The following QTMAN variants were observed in gnomAD, a reference collection of about 807,000 sequenced individuals.
The protein encoded by QTMAN is tRNA-queuosine alpha-mannosyltransferase.
chr2:143,973,188 C>G, the QTMAN span, among the ~76,000 whole-genome samples: 2 of 151,830 alleles, frequency 1.3e-5, no homozygotes, highest in Admixed American at 1.3e-4. Flanking sequence ...AAGTCCTGCA[C>G]CCCAAGCTAC....
At chr2:144,129,289 G>A in the QTMAN span, among the ~76,000 whole-genome samples, 14 of 151,762 alleles carry the variant, frequency 9.2e-5, no homozygotes, top group African/African-American at 2.9e-4. Flanking sequence ...AAATTTAGAG[G>A]TACAGGCCAG....
the QTMAN span, among the ~76,000 whole-genome samples, chr2:144,042,762 TCA>T: frequency 9.4e-6 from 1 of 106,656 alleles, no homozygotes; most frequent in East Asian, 3.1e-4. Context: ...AGACTCTGTC[TCA>T]AAAAAAAAAA....
chr2:144,000,302 T>G, the QTMAN span, among the ~76,000 whole-genome samples: 1 of 152,076 alleles, frequency 6.6e-6, no homozygotes, highest in African/African-American at 2.4e-5. Flanking sequence ...TAAAATTCTT[T>G]AGAGAGCTTT....
At chr2:144,129,709 C>T in the QTMAN span, among the ~76,000 whole-genome samples, 5 of 152,002 alleles carry the variant, frequency 3.3e-5, no homozygotes, top group South Asian at 4.1e-4. Context: ...GTATGAATAT[C>T]ATTTGTGCAG....
the QTMAN span, among the ~76,000 whole-genome samples, chr2:144,251,149 AC>A: frequency 1.3e-5 from 2 of 152,160 alleles, no homozygotes; most frequent in Non-Finnish European, 2.9e-5. Flanking sequence ...TCCGCTGCAT[AC>A]AAATTTTGCT....
chr2:144,158,731 C>CA, the QTMAN span, among the ~76,000 whole-genome samples: 94 of 151,902 alleles, frequency 6.2e-4, 1 homozygote, highest in African/African-American at 1.7e-3. Flanking sequence ...ATTGTATGTG[C>CA]AAAAAAAGTC....
chr2:144,199,292 G>A, the QTMAN span, among the ~76,000 whole-genome samples: 10 of 152,080 alleles, frequency 6.6e-5, no homozygotes, highest in Admixed American at 2.6e-4. Context: ...CAGGTGATCC[G>A]CCCGCCTCGG....
chr2:144,144,877 T>C, the QTMAN span, among the ~76,000 whole-genome samples: 1 of 151,924 alleles, frequency 6.6e-6, no homozygotes, highest in African/African-American at 2.4e-5. Flanking sequence ...TCCGTTTGAC[T>C]GTTGCAGTTA....
At chr2:144,309,172 T>C in the QTMAN span, among the ~76,000 whole-genome samples, 1 of 152,226 alleles carries the variant, frequency 6.6e-6, no homozygotes, top group African/African-American at 2.4e-5. Flanking sequence ...CTAGTGAGTA[T>C]GATACAATCA....
chr2:144,209,344 C>T, the QTMAN span, among the ~76,000 whole-genome samples: 1 of 152,168 alleles, frequency 6.6e-6, no homozygotes, highest in African/African-American at 2.4e-5. Context: ...CTAGTGAATA[C>T]GTATTTAAAA....
At chr2:144,012,224 T>C in the QTMAN span, among the ~76,000 whole-genome samples, 3 of 152,094 alleles carry the variant, frequency 2.0e-5, no homozygotes, top group African/African-American at 7.2e-5. Context: ...AGTACTATGT[T>C]GGGCAATGTT....
the QTMAN span, among the ~76,000 whole-genome samples, chr2:143,958,803 T>TTA: frequency 2.1e-5 from 3 of 146,140 alleles, no homozygotes; most frequent in East Asian, 6.1e-4. Flanking sequence ...TTTTTTTTTT[T>TTA]ACGTTTCCAC....
the QTMAN span, chr2:144,208,557 G>C: frequency 1.3e-6 from 2 of 1,514,844 alleles, no homozygotes; most frequent in Non-Finnish European, 1.8e-6. Context: ...CCTCATAACA[G>C]GTACTTTTTA....
chr2:144,174,658 T>C, the QTMAN span, among the ~76,000 whole-genome samples: 2 of 152,150 alleles, frequency 1.3e-5, no homozygotes, highest in South Asian at 2.1e-4. Context: ...GGGGCAGGAT[T>C]TTCCCATGCT....
the QTMAN span, chr2:144,007,212 C>G: frequency 6.2e-7 from 1 of 1,606,326 alleles, no homozygotes; most frequent in Non-Finnish European, 8.5e-7. Flanking sequence ...GTGTAGCAGT[C>G]TTTGCTGATT....
At chr2:143,993,633 C>T in the QTMAN span, among the ~76,000 whole-genome samples, 1 of 152,152 alleles carries the variant, frequency 6.6e-6, no homozygotes, top group African/African-American at 2.4e-5. Context: ...CTATCAGAAA[C>T]TGAGCCTCTG....
the QTMAN span, among the ~76,000 whole-genome samples, chr2:144,305,402 T>C: frequency 2.0e-5 from 3 of 152,224 alleles, no homozygotes; most frequent in Non-Finnish European, 2.9e-5. Flanking sequence ...TAAAAATCAA[T>C]TGAACATAAA....
At chr2:144,007,644 T>A in the QTMAN span, 2 of 671,732 alleles carry the variant, frequency 3.0e-6, no homozygotes, top group Non-Finnish European at 4.6e-6. Flanking sequence ...TGAGAAAAAA[T>A]AAAGATGTTA....
chr2:144,058,951 TC>T, the QTMAN span, among the ~76,000 whole-genome samples: 1 of 152,344 alleles, frequency 6.6e-6, no homozygotes, highest in Non-Finnish European at 1.5e-5. Flanking sequence ...GATAGTTTTC[TC>T]CAATTTAATG....
Sources: gnomAD v4.1 joint callset for allele counts (sites outside exome capture counted in the v4.1 genomes callset) on GRCh38, gnomAD v4.1.1 for gene constraint, MANE v1.5 for transcripts, NCBI Gene and HGNC (gene_info 2026-07-23, HGNC 2026-07-21) for gene names.